The following ANO4 variants were observed in gnomAD, a reference collection of about 807,000 sequenced individuals.
ANO4 encodes the protein anoctamin-4.
ANO4 carries 69 observed loss-of-function variants against 141.9 expected under a neutral mutation model. That is an observed-to-expected ratio of 0.49 (90% confidence interval 0.40 to 0.59). The LOEUF (loss-of-function observed/expected upper bound fraction) is 0.59. Ranked by LOEUF, ANO4 falls within the 20% of genes least tolerant of loss-of-function variation. The probability of loss-of-function intolerance (pLI) is 0.00; values close to 1 mark genes in which losing one functional copy is unlikely to be tolerated. For missense variants in ANO4, 894 were observed against 1,162.2 expected, an observed-to-expected ratio of 0.77 and a Z score of 3.36; for synonymous variants, 350 against 394.3, an observed-to-expected ratio of 0.89 and a Z score of 1.33.
intron 22 of ANO4, among the ~76,000 whole-genome samples, chr12:101,105,384 TGG>T (rs1353464475): frequency 6.6e-6 from 1 of 152,236 alleles, no homozygotes; most frequent in Non-Finnish European, 1.5e-5. Context: ...TTTGAGCCAA[TGG>T]CAAAATCAAG....
At chr12:100,757,413 A>G (rs2032659603) in intron 3 of ANO4, among the ~76,000 whole-genome samples, 1 of 152,194 alleles carries the variant, frequency 6.6e-6, no homozygotes, top group Admixed American at 6.5e-5. Flanking sequence ...TGTCTAGAGA[A>G]CAAAGTTTAT....
intron 1 of ANO4, among the ~76,000 whole-genome samples, chr12:100,860,820 C>G (rs1565944591): frequency 6.6e-6 from 1 of 152,130 alleles, no homozygotes; most frequent in Non-Finnish European, 1.5e-5. Flanking sequence ...CTGAGAAATG[C>G]ATTGTTAAGT....
chr12:100,975,175 T>A lies in ANO4; in HGVS notation c.602+286T>A, dbSNP rs537653091. 6.6e-5 allele frequency among the ~76,000 whole-genome samples: 10 copies of A among 151,856 alleles called. No homozygotes were observed. The South Asian group carries it at 1.5e-3, about 22-fold the overall frequency. On this transcript the variant is annotated intron_variant, in intron 7 of 27. Transcript: ENST00000392977. ...TTTAGCCCATTCTTTTTTTTTTTTT[T>A]AATTTCAATAGTTTTTGGGAAACAG...
intron 3 of ANO4, among the ~76,000 whole-genome samples, chr12:100,767,523 G>A (rs910362911): frequency 4.8e-4 from 73 of 152,158 alleles, no homozygotes; most frequent in African/African-American, 1.7e-3. Context: ...TACCATGATG[G>A]TTAATCTGAT....
At chr12:100,744,157 A>C (rs1409019762) in intron 3 of ANO4, among the ~76,000 whole-genome samples, 2 of 152,154 alleles carry the variant, frequency 1.3e-5, no homozygotes, top group African/African-American at 4.8e-5. Context: ...TTCAACCCGG[A>C]TATATCCCAT....
chr12:100,996,942 T>G (rs1389107461), intron 8 of ANO4, among the ~76,000 whole-genome samples: 1 of 152,178 alleles, frequency 6.6e-6, no homozygotes, highest in Non-Finnish European at 1.5e-5. Context: ...CATAGGTATA[T>G]TACAAGTCTG....
At chr12:101,088,109 T>C (rs2049581754) in intron 17 of ANO4, among the ~76,000 whole-genome samples, 1 of 151,952 alleles carries the variant, frequency 6.6e-6, no homozygotes, top group African/African-American at 2.4e-5. Flanking sequence ...CTCACGGGCT[T>C]TCGCTCATCT....
At chr12:100,954,251 G>A (rs908670179) in intron 5 of ANO4, among the ~76,000 whole-genome samples, 1 of 152,280 alleles carries the variant, frequency 6.6e-6, no homozygotes, top group African/African-American at 2.4e-5. Context: ...CCACTTAAAA[G>A]GTTGGGCATG....
At chr12:100,915,959 T>G (rs2041317557) in intron 2 of ANO4, among the ~76,000 whole-genome samples, 1 of 152,218 alleles carries the variant, frequency 6.6e-6, no homozygotes, top group Non-Finnish European at 1.5e-5. Context: ...AGTGATTTAT[T>G]TAAAGTAACT....
chr12:100,982,143 G>A (rs117430485), intron 7 of ANO4, among the ~76,000 whole-genome samples: 2,630 of 152,250 alleles, frequency 0.017, 42 homozygotes, highest in Non-Finnish European at 0.028. Context: ...GACAAGTTAG[G>A]GCCAGAAATG....
At chr12:100,833,680 G>A (rs1179604682) in intron 1 of ANO4, among the ~76,000 whole-genome samples, 1 of 152,058 alleles carries the variant, frequency 6.6e-6, no homozygotes, top group Non-Finnish European at 1.5e-5. Flanking sequence ...CTTACTAGTT[G>A]TGGGTTCTTG....
chr12:101,043,039 C>T (rs767337752), intron 12 of ANO4, among the ~76,000 whole-genome samples: 2 of 152,152 alleles, frequency 1.3e-5, no homozygotes, highest in Non-Finnish European at 2.9e-5. Flanking sequence ...TTAAGCCTTC[C>T]ACCTACGAAA....
intron 8 of ANO4, among the ~76,000 whole-genome samples, chr12:101,019,503 C>T (rs745616214): frequency 3.3e-5 from 5 of 152,166 alleles, no homozygotes; most frequent in South Asian, 2.1e-4. Flanking sequence ...ATCCTATTCA[C>T]GAAAGAACAT....
chr12:100,891,307 A>T (rs2040093534), intron 1 of ANO4, among the ~76,000 whole-genome samples: 1 of 152,232 alleles, frequency 6.6e-6, no homozygotes, highest in South Asian at 2.1e-4. Context: ...CTGTGGGAAC[A>T]TAAGTTTTCA....
In ANO4 at chr12:100,733,186, C is replaced by T. The variant is rs981208159; in HGVS notation, c.23-588C>T. ...TCTAGGCAGAAGCCAAACTTGTTAA[C>T]TTGGTTTACAAGACACTTTGCAACC... On this transcript the variant is annotated intron_variant, in intron 1 of 29. Coordinates refer to the ANO4 transcript ENST00000644049. Among the ~76,000 whole-genome samples the T allele has an allele frequency of 9.8e-5, 15 of 152,300 alleles. No individual in the cohort carries two copies. In the South Asian group the frequency reaches 1.2e-3, roughly 13 times the overall value.
chr12:100,763,543 T>A (rs1350704415), intron 3 of ANO4, among the ~76,000 whole-genome samples: 1 of 152,164 alleles, frequency 6.6e-6, no homozygotes. Context: ...TACACATCAT[T>A]CCCCTTCTCC....
intron 1 of ANO4, among the ~76,000 whole-genome samples, chr12:100,858,524 C>T (rs1407427554): frequency 6.6e-6 from 1 of 152,082 alleles, no homozygotes; most frequent in African/African-American, 2.4e-5. Context: ...GTATCCTTTG[C>T]TTCTTAGAAA....
chr12:100,795,729 T>C (rs1944582711), intron 1 of ANO4, among the ~76,000 whole-genome samples: 1 of 152,222 alleles, frequency 6.6e-6, no homozygotes, highest in African/African-American at 2.4e-5. Flanking sequence ...AGGAACATTT[T>C]TGAGTTGACA....
rs541859749 is a variant in ANO4, at chr12:100,836,500, T to G, written c.-141+41473T>G. Among the ~76,000 whole-genome samples the G allele has an allele frequency of 3.3e-4, 29 of 87,806 alleles. No individual in the cohort carries two copies. In the South Asian group the frequency reaches 8.2e-3, roughly 25 times the overall value. 57.6% of individuals were successfully genotyped at this position (87,806 alleles called of 152,430 possible). A position where few individuals can be genotyped will look rare whatever the true frequency, so the allele number is the denominator to read the frequency against. On this transcript the variant is annotated intron_variant, in intron 1 of 27. Transcript: ENST00000392977. ...ATGCTATCCCTCCCCCCTCCCCCCATCCCACAACAGGCCCTGGTATGTGAT... is the reference window on the plus strand; with the variant it reads ...ATGCTATCCCTCCCCCCTCCCCCCAGCCCACAACAGGCCCTGGTATGTGAT...
Sources: allele counts gnomAD v4.1 joint callset (sites outside exome capture counted in the v4.1 genomes callset), GRCh38; gene constraint gnomAD v4.1.1; transcripts MANE v1.5; gene names NCBI Gene and HGNC (gene_info 2026-07-23, HGNC 2026-07-21).